The following GAB1 variants were observed in gnomAD, a reference collection of about 807,000 sequenced individuals.
GAB1 encodes the protein GRB2 associated binding protein 1.
GAB1 carries 19 observed loss-of-function variants against 66.5 expected under a neutral mutation model. The observed-to-expected ratio is 0.29, with a 90% CI of 0.20 to 0.42. The LOEUF is 0.42. Ranked by LOEUF, GAB1 falls within the 10% of genes least tolerant of loss-of-function variation. GAB1 has a pLI of 1.00. For synonymous variants in GAB1, 294 were observed against 301.4 expected (o/e 0.98, Z 0.25); for missense variants, 732 against 858.5 (o/e 0.85, Z 1.84).
rs770462367 is a variant in GAB1 at position 143,433,748 on chromosome 4, C to G, written c.593+32C>G. 9.3e-6 allele frequency: 14 copies of G among 1,513,112 alleles called. No individual in the cohort carries two copies. In the Admixed American group the frequency reaches 2.3e-4, roughly 25 times the overall value. The allele number at this position is 1,513,112 out of a possible 1,614,324, so 93.7% of individuals were successfully genotyped here. On this transcript the variant is annotated intron_variant, in intron 3 of 9. Transcript: ENST00000262994. Reference sequence around the variant, plus strand: ...TATATATGCCCATGTGAGAGAGAGACAGAGGCGTGTGTATGTGTGTACACA... The same window carrying G: ...TATATATGCCCATGTGAGAGAGAGAGAGAGGCGTGTGTATGTGTGTACACA...
chr4:143,349,706 TG>T, intron 1 of GAB1: 2 of 1,566,894 alleles, frequency 1.3e-6, no homozygotes, highest in South Asian at 2.2e-5. Context: ...GCCCCACAGA[TG>T]GCGGTGGCCA....
chr4:143,378,481 C>G (rs1730508449), intron 1 of GAB1, among the ~76,000 whole-genome samples: 1 of 152,116 alleles, frequency 6.6e-6, no homozygotes, highest in Non-Finnish European at 1.5e-5. Flanking sequence ...TCTTGACACT[C>G]ATATATTAGT....
chr4:143,436,459 A>C (rs1241740167), intron 3 of GAB1, among the ~76,000 whole-genome samples: 1 of 152,198 alleles, frequency 6.6e-6, no homozygotes, highest in Non-Finnish European at 1.5e-5. Context: ...ATCTTATAGA[A>C]GTCTGGTCCC....
chr4:143,466,821 CTAGTGTCTT>C (rs1191209853), intron 9 of GAB1, among the ~76,000 whole-genome samples: 1 of 152,058 alleles, frequency 6.6e-6, no homozygotes, highest in African/African-American at 2.4e-5. Flanking sequence ...GTTAACCAGT[CTAGTGTCTT>C]TACTCTCCTT....
chr4:143,412,732 G>A (rs1045103489), intron 1 of GAB1, among the ~76,000 whole-genome samples: 2 of 152,090 alleles, frequency 1.3e-5, no homozygotes, highest in African/African-American at 4.8e-5. Context: ...AAAAAGTGAG[G>A]GAAAGAATAT....
At chr4:143,433,751 A>G in intron 3 of GAB1, 35 bp downstream of exon 3, 1 of 1,503,996 alleles carries the variant, frequency 6.6e-7, no homozygotes, top group Non-Finnish European at 9.3e-7. Context: ...AGAGAGACAG[A>G]GGCGTGTGTA....
At position 143,433,544 on chromosome 4, in the gene GAB1, G is replaced by A. The variant is rs775106183; in HGVS notation, c.421G>A (p.Ala141Thr). The stretch of plus-strand genomic sequence containing the variant: ...ACAAGCACCAGCTGATTTACCTTTA[G>A]CTATAAATACAGCACCACCATCCAC... ...SLQAPADLPLAINTAPPSTQA... is the reference protein window; with the variant it reads ...SLQAPADLPLTINTAPPSTQA... Residue 141 changes from alanine to threonine, a missense_variant, in exon 3 of 10, where the codon GCT becomes ACT. Around this residue, in one of 4 missense-constraint regions of GAB1, gnomAD observed 427 missense variants for 420.6 expected, o/e 1.02. Coordinates refer to ENST00000262994, the MANE Select transcript of GAB1 (RefSeq NM_002039.4). 6.2e-7 allele frequency: 1 copy of A among 1,613,948 alleles called. No homozygotes were observed. Among genetic ancestry groups the A allele is most frequent in the South Asian group, 1.1e-5 (1 of 91,080 alleles).
At chr4:143,456,452 G>A (rs1404487507) in intron 6 of GAB1, among the ~76,000 whole-genome samples, 2 of 86,252 alleles carry the variant, frequency 2.3e-5, no homozygotes, top group Non-Finnish European at 4.4e-5. Context: ...GAGAGACTCC[G>A]TCTCAAAAAA....
intron 1 of GAB1, among the ~76,000 whole-genome samples, chr4:143,340,941 G>A (rs1357187041): frequency 1.3e-5 from 2 of 152,208 alleles, no homozygotes; most frequent in Non-Finnish European, 2.9e-5. Context: ...GTGTTAGTCT[G>A]ATGTGTAAGC....
At chr4:143,367,005 A>G (rs1315066870) in intron 1 of GAB1, among the ~76,000 whole-genome samples, 1 of 151,946 alleles carries the variant, frequency 6.6e-6, no homozygotes, top group Non-Finnish European at 1.5e-5. Context: ...AACAGTGTTT[A>G]CTGTATTCTC....
intron 2 of GAB1, among the ~76,000 whole-genome samples, chr4:143,422,284 C>T (rs2149728156): frequency 6.6e-6 from 1 of 152,248 alleles, no homozygotes; most frequent in East Asian, 1.9e-4. Context: ...GTAACCCTGA[C>T]CTGTTTACAT....
intron 1 of GAB1, among the ~76,000 whole-genome samples, chr4:143,409,810 G>C (rs1732270580): frequency 6.6e-6 from 1 of 152,178 alleles, no homozygotes; most frequent in Non-Finnish European, 1.5e-5. Flanking sequence ...ATGAGCAGAA[G>C]ATATTAATAT....
At chr4:143,418,332 T>G (rs1251529054) in intron 2 of GAB1, among the ~76,000 whole-genome samples, 2 of 152,238 alleles carry the variant, frequency 1.3e-5, no homozygotes, top group Non-Finnish European at 2.9e-5. Flanking sequence ...CTAACTTCAG[T>G]TAAAACCCTT....
chr4:143,425,737 C>A lies in GAB1; in HGVS notation c.368-7754C>A, dbSNP rs1352697604. 94 of 760,272 alleles carry A rather than the reference C, an allele frequency of 1.2e-4. 1 individual carries two copies. Among genetic ancestry groups the A allele is most frequent in the South Asian group, 1.2e-3 (91 of 74,044 alleles). The allele number at this position is 760,272 out of a possible 1,614,324, so 47.1% of individuals were successfully genotyped here. A position where few individuals can be genotyped will look rare whatever the true frequency, so the allele number is the denominator to read the frequency against. On this transcript the variant is annotated intron_variant, in intron 2 of 9. Coordinates refer to ENST00000262994, the MANE Select transcript of GAB1 (RefSeq NM_002039.4). ...AAGGAGGAATTTCAGTGTGAATGGA[C>A]TGCTCCAGCTCCTGAGTTCACTGCT...
At chr4:143,358,920 G>A (rs1729552478) in intron 1 of GAB1, among the ~76,000 whole-genome samples, 1 of 152,188 alleles carries the variant, frequency 6.6e-6, no homozygotes, top group African/African-American at 2.4e-5. Context: ...GAATGAAGAG[G>A]CTGCCTTCAG....
At chr4:143,429,326 ACTC>A (rs967750546) in intron 2 of GAB1, among the ~76,000 whole-genome samples, 1 of 151,868 alleles carries the variant, frequency 6.6e-6, no homozygotes, top group Non-Finnish European at 1.5e-5. Context: ...TTGGTCTTGA[ACTC>A]CTGACCACAA....
At chr4:143,338,909 A>G (rs1460997124) in intron 1 of GAB1, among the ~76,000 whole-genome samples, 1 of 152,220 alleles carries the variant, frequency 6.6e-6, no homozygotes, top group Admixed American at 6.5e-5. Context: ...GCTCACTCAA[A>G]AGACGCCAGG....
intron 4 of GAB1, among the ~76,000 whole-genome samples, chr4:143,439,052 A>G (rs1446516714): frequency 1.3e-5 from 2 of 152,058 alleles, no homozygotes; most frequent in Non-Finnish European, 2.9e-5. Flanking sequence ...CTAACAGGTG[A>G]TATTCTGTTC....
chr4:143,392,010 G>A (rs1362845172), intron 1 of GAB1, among the ~76,000 whole-genome samples: 1 of 152,186 alleles, frequency 6.6e-6, no homozygotes, highest in African/African-American at 2.4e-5. Flanking sequence ...CACATGGTAT[G>A]TTTTAAAATC....
Sources: gnomAD v4.1 joint callset for allele counts (sites outside exome capture counted in the v4.1 genomes callset) on GRCh38, gnomAD v4.1.1 for gene constraint, gnomAD v4.1.1 regional missense constraint, MANE v1.5 for transcripts, NCBI Gene and HGNC (gene_info 2026-07-23, HGNC 2026-07-21) for gene names.